Variants in RGPD1 observed in about 807,000 individuals in gnomAD.
RGPD1 encodes RANBP2 like and GRIP domain containing 1.
In RGPD1, 7 loss-of-function variants were observed where a neutral mutation model predicts 40.6. That is an observed-to-expected ratio of 0.17 (90% confidence interval 0.10 to 0.32). The LOEUF (loss-of-function observed/expected upper bound fraction) is 0.32, where lower values mean the gene tolerates loss of function less well. Among genes scored for constraint, RGPD1 ranks in the 10% least tolerant of loss-of-function variants. The pLI, the probability that RGPD1 is intolerant of heterozygous loss-of-function variation, is 1.00. For synonymous variants in RGPD1, 24 were observed against 167.0 expected, an observed-to-expected ratio of 0.14 and a Z score of 6.60; for missense variants, 50 against 472.5, an observed-to-expected ratio of 0.11 and a Z score of 8.29.
chr2:86,988,441 CAA>C (rs1174110236), intron 20 of RGPD1, among the ~76,000 whole-genome samples: 1 of 33,258 alleles, frequency 3.0e-5, no homozygotes, highest in Non-Finnish European at 5.9e-5. Context: ...ACTTTGTCTC[CAA>C]AAAAAAAAAA....
intron 1 of RGPD1, among the ~76,000 whole-genome samples, chr2:86,917,909 CTA>C (rs1296714289): frequency 1.0e-5 from 1 of 100,320 alleles, no homozygotes; most frequent in Non-Finnish European, 2.0e-5. Flanking sequence ...GCATATATGA[CTA>C]TTTCTCATTT....
At chr2:86,942,663 C>T (rs1262413342) in intron 1 of RGPD1, among the ~76,000 whole-genome samples, 3 of 129,704 alleles carry the variant, frequency 2.3e-5, no homozygotes, top group East Asian at 2.4e-4. Context: ...GGCCGGGCGG[C>T]GGCGGCGGCC....
At chr2:86,938,583 A>G (rs563087717), upstream of RGPD1, among the ~76,000 whole-genome samples, 8 of 152,100 alleles carry the variant, frequency 5.3e-5, no homozygotes, top group Non-Finnish European at 8.8e-5. Context: ...TATTCAGACA[A>G]AGCAAGACTC....
At chr2:86,918,380 C>T (rs1057323024) in intron 1 of RGPD1, among the ~76,000 whole-genome samples, 19 of 147,532 alleles carry the variant, frequency 1.3e-4, no homozygotes, top group African/African-American at 4.6e-4. Context: ...AAAAATCACT[C>T]TAGACTATAA....
chr2:86,951,026 C>CA (rs1680540971), intron 1 of RGPD1, among the ~76,000 whole-genome samples: 1 of 16,348 alleles, frequency 6.1e-5, no homozygotes, highest in Admixed American at 4.9e-4. Context: ...AGGCTGGTCT[C>CA]AAACTCCTGA....
intron 1 of RGPD1, chr2:86,913,998 G>T: frequency 1.4e-6 from 1 of 712,458 alleles, no homozygotes; most frequent in Non-Finnish European, 1.6e-6. Context: ...GGCGGCGGCG[G>T]CCTCGGCCTC....
chr2:86,944,533 G>C (rs1422044358), intron 1 of RGPD1, among the ~76,000 whole-genome samples: 1 of 151,968 alleles, frequency 6.6e-6, no homozygotes, highest in Admixed American at 6.6e-5. Flanking sequence ...CTCCCGAGTA[G>C]TTGGGACCAC....
chr2:86,942,523 C>CGGCCTCGACCTGGCCGGGCGGCGGCGGT (rs1679919141), intron 1 of RGPD1, among the ~76,000 whole-genome samples: 2 of 133,844 alleles, frequency 1.5e-5, no homozygotes, highest in East Asian at 2.3e-4. Flanking sequence ...GCGGCGGCGG[C>CGGCCTCGACCTGGCCGGGCGGCGGCGGT]GGCCTCGACC....
rs201250864 is a variant in RGPD1 at position 86,919,775 on chromosome 2, T to A, written c.72+5854T>A. Among the ~76,000 whole-genome samples the A allele has an allele frequency of 4.4e-4, 59 of 134,912 alleles. No individual in the cohort carries two copies. In the East Asian group the frequency reaches 0.012, roughly 27 times the overall value. 88.5% of individuals were successfully genotyped at this position (134,912 alleles called of 152,430 possible). A position where few individuals can be genotyped will look rare whatever the true frequency, so the allele number is the denominator to read the frequency against. On this transcript the variant is annotated intron_variant, in intron 1 of 22. Coordinates refer to the RGPD1 transcript ENST00000398193. ...TTCTTTCTTCTCACTTAATTAAATA[T>A]AATATACTGTATGTTTTACTTATTT...
At chr2:86,933,342 T>C in intron 1 of RGPD1, among the ~76,000 whole-genome samples, 1 of 150,124 alleles carries the variant, frequency 6.7e-6, no homozygotes. Flanking sequence ...CTTCATGGTA[T>C]AAAACAACTA....
chr2:86,942,818 G>A (rs189182152), intron 1 of RGPD1, among the ~76,000 whole-genome samples: 2,036 of 151,914 alleles, frequency 0.013, 45 homozygotes, highest in African/African-American at 0.046. Flanking sequence ...GCGGCGTGGC[G>A]CTTGCAAGCG....
chr2:86,930,043 ACCCTCACCTCCTTGACTGG>A (rs1351604941), intron 1 of RGPD1, among the ~76,000 whole-genome samples: 1 of 143,174 alleles, frequency 7.0e-6, no homozygotes, highest in Non-Finnish European at 1.6e-5. Flanking sequence ...GGTGGCACTA[ACCCTCACCTCCTTGACTGG>A]CTCAGCCTCA....
chr2:86,943,817 C>A (rs763185255), intron 1 of RGPD1, among the ~76,000 whole-genome samples: 6 of 152,086 alleles, frequency 3.9e-5, no homozygotes, highest in Non-Finnish European at 7.4e-5. Flanking sequence ...TGGAGACCAA[C>A]CTGGCTAACA....
At chr2:86,913,823 C>G in exon 1 of RGPD1, 3 of 1,553,858 alleles carry the variant, frequency 1.9e-6, no homozygotes, top group African/African-American at 1.4e-5. Flanking sequence ...TGGTTTCACG[C>G]GTCTCGGGAG....
At chr2:86,925,945 ACTTTC>A (rs1678461554) in intron 1 of RGPD1, among the ~76,000 whole-genome samples, 1 of 152,112 alleles carries the variant, frequency 6.6e-6, no homozygotes, top group African/African-American at 2.4e-5. Flanking sequence ...CATTTAGTGT[ACTTTC>A]CTTTAAATAT....
At chr2:86,941,943 C>G (rs1167609465), upstream of RGPD1, among the ~76,000 whole-genome samples, 1 of 151,952 alleles carries the variant, frequency 6.6e-6, no homozygotes, top group Non-Finnish European at 1.5e-5. Flanking sequence ...AACTCATGAC[C>G]TCAGGTGATC....
rs1329512123 is a variant in RGPD1 at position 86,960,634 on chromosome 2, G to C, written c.779+2207G>C. Among the ~76,000 whole-genome samples, 3 of 127,418 alleles carry C rather than the reference G, an allele frequency of 2.4e-5. 1 individual carries two copies. The highest frequency in any genetic ancestry group is 4.8e-5 in the Non-Finnish European group (3 of 62,956). 83.6% of individuals were successfully genotyped at this position (127,418 alleles called of 152,430 possible). On this transcript the variant is annotated intron_variant, in intron 6 of 22. Coordinates refer to ENST00000641458, the MANE Select transcript of RGPD1 (RefSeq NM_001382344.1). ...AGACGGAGTCTCGCTCTGTTGCCCAGGCTGGAGTGCAGTGGTGCCATCTCG... is the reference window on the plus strand; with the variant it reads ...AGACGGAGTCTCGCTCTGTTGCCCACGCTGGAGTGCAGTGGTGCCATCTCG...
chr2:86,914,077 T>C (rs1029041122), intron 1 of RGPD1, among the ~76,000 whole-genome samples: 138 of 6,892 alleles, frequency 0.02, 28 homozygotes, highest in African/African-American at 0.036. Flanking sequence ...GGCCCCGGCC[T>C]GGCCGGGCGG....
chr2:87,000,288 C>T (rs1681933168), intron 22 of RGPD1, among the ~76,000 whole-genome samples: 2 of 135,392 alleles, frequency 1.5e-5, no homozygotes, highest in Non-Finnish European at 3.0e-5. Flanking sequence ...TCAAAATACT[C>T]AGCATGTCTA....
Sources: allele counts gnomAD v4.1 joint callset (sites outside exome capture counted in the v4.1 genomes callset), GRCh38; gene constraint gnomAD v4.1.1; transcripts MANE v1.5; gene names NCBI Gene and HGNC (gene_info 2026-07-23, HGNC 2026-07-21).